Variants in WDR41 observed in about 807,000 individuals in gnomAD.
The protein encoded by WDR41 is WD repeat domain 41.
In WDR41, 63 loss-of-function variants were observed where a neutral mutation model predicts 69.3. That is an observed-to-expected ratio of 0.91 (90% confidence interval 0.74 to 1.12). The LOEUF is 1.12. Among genes scored for constraint, WDR41 ranks in the 50% most tolerant of loss-of-function variants. The pLI is 0.00. For synonymous variants in WDR41, 185 were observed against 192.1 expected (o/e 0.96, Z 0.31); for missense variants, 543 against 534.5 (o/e 1.02, Z -0.16).
intron 1 of WDR41, among the ~76,000 whole-genome samples, chr5:77,551,948 C>T (rs1248716553): frequency 1.3e-5 from 2 of 150,396 alleles, no homozygotes; most frequent in Non-Finnish European, 2.9e-5. Flanking sequence ...CACTGCACTC[C>T]AGCCTGGGCA....
At chr5:77,539,363 T>C (rs1266772329) in intron 1 of WDR41, among the ~76,000 whole-genome samples, 1 of 152,220 alleles carries the variant, frequency 6.6e-6, no homozygotes, top group Non-Finnish European at 1.5e-5. Flanking sequence ...TATTCTGTTT[T>C]GGATCATGCT....
At chr5:77,600,014 C>G (rs915932155) in intron 1 of WDR41, among the ~76,000 whole-genome samples, 11 of 152,186 alleles carry the variant, frequency 7.2e-5, no homozygotes, top group Non-Finnish European at 1.5e-5. Flanking sequence ...TCTTGCGGAT[C>G]ATGGCATTCT....
intron 1 of WDR41, among the ~76,000 whole-genome samples, chr5:77,579,650 A>G (rs1259533906): frequency 6.6e-6 from 1 of 152,252 alleles, no homozygotes; most frequent in African/African-American, 2.4e-5. Flanking sequence ...TGTTACTAGC[A>G]GATCTTCCAT....
rs1324381350 is a variant in WDR41 at position 77,613,935 on chromosome 5, A to C, written c.42+6544T>G. 7.9e-5 allele frequency among the ~76,000 whole-genome samples: 12 copies of C among 152,242 alleles called. 1 individual carries two copies. The stretch of plus-strand genomic sequence containing the variant: ...AATATCCAGAATCTGCAATGAACTC[A>C]AACAAATTTACAAGAAAAAAACAAA... On this transcript the variant is annotated intron_variant, in intron 1 of 5. Transcript: ENST00000509971.
intron 8 of WDR41, among the ~76,000 whole-genome samples, chr5:77,447,532 A>T (rs1799432435): frequency 6.6e-6 from 1 of 152,250 alleles, no homozygotes; most frequent in Non-Finnish European, 1.5e-5. Flanking sequence ...CCCATCAACG[A>T]TAGATTGGAT....
chr5:77,553,770 A>G (rs138759634), intron 1 of WDR41, among the ~76,000 whole-genome samples: 387 of 152,342 alleles, frequency 2.5e-3, no homozygotes, highest in African/African-American at 8.9e-3. Context: ...CATGACTAAG[A>G]TTTTAAAAAA....
At position 77,619,445 on chromosome 5, in the gene WDR41, C is replaced by T. The variant is rs76285308; in HGVS notation, c.42+1034G>A. Among the ~76,000 whole-genome samples the T allele has an allele frequency of 8.3e-3, 1,265 of 152,260 alleles. 20 individuals carry two copies. The highest frequency in any genetic ancestry group is 0.029 in the African/African-American group (1,199 of 41,554). On this transcript the variant is annotated intron_variant, in intron 1 of 5. Coordinates refer to the WDR41 transcript ENST00000509971. ...ATCCCTGTGTTCCAGGGCAGACTTT[C>T]CTGTATTACACCCCTAGAGACCCCC...
At chr5:77,560,800 G>A in intron 1 of WDR41, among the ~76,000 whole-genome samples, 1 of 152,070 alleles carries the variant, frequency 6.6e-6, no homozygotes. Context: ...AATCTTCCTT[G>A]TCTACAGGGT....
rs1392695193 is a variant in WDR41 at position 77,492,312 on chromosome 5, C to A, written c.-92G>T. 6.5e-7 allele frequency: 1 copy of A among 1,533,884 alleles called. No individual in the cohort carries two copies. The highest frequency in any genetic ancestry group is 1.4e-5 in the African/African-American group (1 of 72,880). On this transcript the variant is annotated 5_prime_UTR_variant, in exon 1 of 13. Transcript: ENST00000296679. ...TCCTCCTTCCTCCCCGGCTGCAGCGCAACTGAGACGCTAATACTTCCCGCC... is the reference window on the plus strand; with the variant it reads ...TCCTCCTTCCTCCCCGGCTGCAGCGAAACTGAGACGCTAATACTTCCCGCC...
rs955332148 is a variant in WDR41, at chr5:77,506,792, A to T, written c.43-17220T>A. The stretch of plus-strand genomic sequence containing the variant: ...CTCAGCAAACTATCACTAAGACAGA[A>T]AACCAAACACCATATGTTCTCAGTC... On this transcript the variant is annotated intron_variant, in intron 1 of 5. Transcript: ENST00000509971. Among the ~76,000 whole-genome samples, 6 of 152,266 alleles carry T rather than the reference A, an allele frequency of 3.9e-5. No homozygotes were observed. In the East Asian group the frequency reaches 1.2e-3, roughly 29 times the overall value.
At chr5:77,612,652 A>T (rs1249653175) in intron 1 of WDR41, among the ~76,000 whole-genome samples, 3 of 152,112 alleles carry the variant, frequency 2.0e-5, no homozygotes, top group African/African-American at 7.2e-5. Flanking sequence ...CTCAAAATAA[A>T]AAGAGCTATC....
At chr5:77,498,180 A>G (rs1446330625) in intron 1 of WDR41, among the ~76,000 whole-genome samples, 1 of 152,218 alleles carries the variant, frequency 6.6e-6, no homozygotes, top group Non-Finnish European at 1.5e-5. Context: ...TGATTATACA[A>G]TATTGTGAAT....
At chr5:77,504,219 A>G (rs1268081414) in intron 1 of WDR41, among the ~76,000 whole-genome samples, 1 of 152,230 alleles carries the variant, frequency 6.6e-6, no homozygotes, top group Non-Finnish European at 1.5e-5. Context: ...CCACAGAAAT[A>G]CAAACTACCA....
intron 1 of WDR41, among the ~76,000 whole-genome samples, chr5:77,533,737 T>G (rs1489415158): frequency 1.3e-5 from 2 of 152,166 alleles, no homozygotes; most frequent in South Asian, 4.1e-4. Flanking sequence ...AATAATATAC[T>G]AATATTGTTA....
intron 1 of WDR41, among the ~76,000 whole-genome samples, chr5:77,577,027 A>G (rs1487103864): frequency 1.3e-5 from 2 of 152,202 alleles, no homozygotes; most frequent in Admixed American, 1.3e-4. Flanking sequence ...TGAAGGAAAC[A>G]GGACATCACT....
chr5:77,577,776 G>C (rs906942788), intron 1 of WDR41, among the ~76,000 whole-genome samples: 2 of 152,102 alleles, frequency 1.3e-5, no homozygotes, highest in African/African-American at 4.8e-5. Flanking sequence ...GAAACTACAG[G>C]TGCTCCTCAA....
chr5:77,558,738 C>G (rs9688203), intron 1 of WDR41, among the ~76,000 whole-genome samples: 1 of 152,130 alleles, frequency 6.6e-6, no homozygotes, highest in African/African-American at 2.4e-5. Context: ...AATTTTCCAG[C>G]ACTTTCTAAT....
At chr5:77,460,647 T>C (rs1226182087) in intron 4 of WDR41, among the ~76,000 whole-genome samples, 1 of 152,238 alleles carries the variant, frequency 6.6e-6, no homozygotes, top group Non-Finnish European at 1.5e-5. Context: ...ATGAGCTATC[T>C]TGGGGACTGA....
At chr5:77,583,128 C>CTACCATGAT in intron 1 of WDR41, 1 of 1,392,922 alleles carries the variant, frequency 7.2e-7, no homozygotes, top group Non-Finnish European at 1.0e-6. Flanking sequence ...ACTAAGGTGT[C>CTACCATGAT]TACCATGATT....
Sources: allele counts gnomAD v4.1 joint callset (sites outside exome capture counted in the v4.1 genomes callset), GRCh38; gene constraint gnomAD v4.1.1; transcripts MANE v1.5; gene names NCBI Gene and HGNC (gene_info 2026-07-23, HGNC 2026-07-21).